TMEM131L: variants seen among roughly 807,000 people sequenced by gnomAD.
The protein encoded by TMEM131L is transmembrane 131 like, also known as transmembrane protein 131-like.
A neutral mutation model predicts 192.2 loss-of-function variants in TMEM131L; 54 were observed. The observed-to-expected ratio is 0.28, with a 90% CI of 0.23 to 0.35. The LOEUF (loss-of-function observed/expected upper bound fraction) is 0.35. Ranked by LOEUF, TMEM131L falls within the 10% of genes least tolerant of loss-of-function variation. TMEM131L has a pLI of 1.00. For missense variants in TMEM131L, 1,888 were observed against 1,972.9 expected (o/e 0.96, Z 0.82); for synonymous variants, 701 against 704.9 (o/e 0.99, Z 0.09).
Position 153,466,497 on chromosome 4 carries a change from C to A in TMEM131L, c.100C>A (p.Arg34Ser). 2.8e-6 allele frequency: 4 copies of A among 1,408,528 alleles called. No individual in the cohort carries two copies. Among genetic ancestry groups the A allele is most frequent in the Non-Finnish European group, 3.7e-6 (4 of 1,071,826 alleles). 87.3% of individuals were successfully genotyped at this position (1,408,528 alleles called of 1,614,324 possible). A position where few individuals can be genotyped will look rare whatever the true frequency, so the allele number is the denominator to read the frequency against. ...CTTCCAGGTCCTGCTGCCCTGCTGT[C>A]GCCCGGGAGGGGCTCAGGGACAAGG... ...GVFQVLLPCC[R>S]PGGAQGQAIE... Residue 34 changes from arginine (R) to serine (S), a missense_variant, in exon 1 of 35, where the codon CGC becomes AGC. Arg to Ser is a moderately radical substitution (Grantham distance 110). Transcript: ENST00000409959.
At chr4:153,607,834 A>C (rs577434602) in intron 25 of TMEM131L, among the ~76,000 whole-genome samples, 1 of 152,354 alleles carries the variant, frequency 6.6e-6, no homozygotes, top group South Asian at 2.1e-4. Context: ...TAAGTAATAG[A>C]AAATGTGTCA....
intron 31 of TMEM131L, among the ~76,000 whole-genome samples, chr4:153,629,858 G>A (rs1561260807): frequency 6.6e-6 from 1 of 152,130 alleles, no homozygotes; most frequent in Non-Finnish European, 1.5e-5. Flanking sequence ...CCTTGGTGCT[G>A]TGCTTTTCTC....
chr4:153,474,811 C>T (rs551666231), intron 3 of TMEM131L, among the ~76,000 whole-genome samples: 1 of 152,268 alleles, frequency 6.6e-6, no homozygotes, highest in East Asian at 1.9e-4. Context: ...CCGACTTCGC[C>T]TCCCATAGTG....
In TMEM131L at chr4:153,580,018, G is replaced by A. The variant is rs565726276; in HGVS notation, c.661-808G>A. Among the ~76,000 whole-genome samples the A allele has an allele frequency of 5.3e-5, 8 of 152,238 alleles. No homozygotes were observed. In the South Asian group the frequency reaches 6.2e-4, roughly 12 times the overall value. On this transcript the variant is annotated intron_variant, in intron 7 of 34. Coordinates refer to ENST00000409959, the MANE Select transcript of TMEM131L (RefSeq NM_001131007.2). ...GTTAGGACTGTGGCTCCCGGGTGGAGTACCTTTTTCTAATCACTATGCCAG... is the reference window on the plus strand; with the variant it reads ...GTTAGGACTGTGGCTCCCGGGTGGAATACCTTTTTCTAATCACTATGCCAG...
chr4:153,487,461 T>C (rs1732420920), intron 3 of TMEM131L, among the ~76,000 whole-genome samples: 1 of 152,168 alleles, frequency 6.6e-6, no homozygotes, highest in Non-Finnish European at 1.5e-5. Context: ...TCATATGTCC[T>C]GGCATGCCTG....
intron 16 of TMEM131L, among the ~76,000 whole-genome samples, chr4:153,590,403 C>G (rs1561220377): frequency 6.6e-6 from 1 of 152,122 alleles, no homozygotes; most frequent in Non-Finnish European, 1.5e-5. Flanking sequence ...TCAGTTTGTT[C>G]CATTATTGGC....
intron 2 of TMEM131L, among the ~76,000 whole-genome samples, chr4:153,471,026 C>T (rs923018262): frequency 1.4e-5 from 2 of 147,922 alleles, no homozygotes; most frequent in Non-Finnish European, 1.5e-5. Flanking sequence ...TTGCTCTTGT[C>T]GCCTAGGCTG....
At chr4:153,581,203 G>A (rs940869704) in intron 8 of TMEM131L, among the ~76,000 whole-genome samples, 7 of 152,250 alleles carry the variant, frequency 4.6e-5, no homozygotes, top group Admixed American at 3.3e-4. Context: ...GCAGTGAGCC[G>A]AGATCGCACC....
intron 26 of TMEM131L, among the ~76,000 whole-genome samples, chr4:153,619,733 G>T (rs999708028): frequency 6.6e-6 from 1 of 152,238 alleles, no homozygotes; most frequent in Non-Finnish European, 1.5e-5. Context: ...TTAGTTGAGT[G>T]TATGTTTCAA....
At chr4:153,556,105 T>C (rs1194940390) in intron 5 of TMEM131L, among the ~76,000 whole-genome samples, 195 bp downstream of exon 5, 1 of 140,904 alleles carries the variant, frequency 7.1e-6, no homozygotes, top group Non-Finnish European at 1.5e-5. Flanking sequence ...GCTCTTGATA[T>C]CTACTGGGGC....
intron 7 of TMEM131L, among the ~76,000 whole-genome samples, chr4:153,570,513 A>C (rs1729515484): frequency 6.6e-6 from 1 of 152,130 alleles, no homozygotes; most frequent in Non-Finnish European, 1.5e-5. Context: ...GGGGCACCTG[A>C]GATGCTCTGG....
intron 16 of TMEM131L, 148 bp from the exon 17 acceptor site, chr4:153,590,905 C>G: frequency 2.4e-6 from 1 of 415,954 alleles, no homozygotes; most frequent in Non-Finnish European, 3.9e-6. Flanking sequence ...TTCCCATCCC[C>G]AGACCTAGAA....
chr4:153,470,799 G>A (rs2149715994), intron 2 of TMEM131L, among the ~76,000 whole-genome samples: 1 of 152,312 alleles, frequency 6.6e-6, no homozygotes, highest in Non-Finnish European at 1.5e-5. Flanking sequence ...TTCCGTGTCA[G>A]TCCTGTGGTA....
intron 10 of TMEM131L, 46 bp from the exon 11 acceptor site, chr4:153,583,518 C>T: frequency 2.4e-6 from 3 of 1,255,894 alleles, no homozygotes; most frequent in Non-Finnish European, 3.5e-6. Flanking sequence ...TGGATAAATA[C>T]TCTCCCAGCT....
At chr4:153,634,146 G>A (rs1280524786) in intron 32 of TMEM131L, 46 bp from the exon 33 acceptor site, 4 of 1,484,090 alleles carry the variant, frequency 2.7e-6, no homozygotes, top group South Asian at 1.1e-5. Flanking sequence ...TTTACTTGAT[G>A]TCTTGACATC....
chr4:153,629,200 C>G (rs138409549), intron 31 of TMEM131L, among the ~76,000 whole-genome samples: 251 of 152,290 alleles, frequency 1.6e-3, no homozygotes, highest in African/African-American at 5.8e-3. Context: ...CCCGCCCTGC[C>G]CCTCTGTCAC....
chr4:153,576,409 A>G (rs1044027944), intron 7 of TMEM131L, among the ~76,000 whole-genome samples: 4 of 152,226 alleles, frequency 2.6e-5, no homozygotes, highest in African/African-American at 7.2e-5. Flanking sequence ...CAAAATAGTG[A>G]TTTTTAAAAT....
At chr4:153,615,042 C>T (rs959647873) in intron 26 of TMEM131L, among the ~76,000 whole-genome samples, 2 of 152,152 alleles carry the variant, frequency 1.3e-5, no homozygotes, top group African/African-American at 4.8e-5. Context: ...GCTGTTATCA[C>T]GTTAAGAGCA....
chr4:153,602,860 G>A, intron 23 of TMEM131L, 133 bp downstream of exon 23: 1 of 791,396 alleles, frequency 1.3e-6, no homozygotes, highest in Non-Finnish European at 2.1e-6. Flanking sequence ...TTCAAGAACT[G>A]TGACATCCAT....
Sources: gnomAD v4.1 joint callset for allele counts (sites outside exome capture counted in the v4.1 genomes callset) on GRCh38, gnomAD v4.1.1 for gene constraint, MANE v1.5 for transcripts, NCBI Gene and HGNC (gene_info 2026-07-23, HGNC 2026-07-21) for gene names.